The following TMEM150C variants were observed in gnomAD, a reference collection of about 807,000 sequenced individuals.
TMEM150C encodes transmembrane protein 150C, also known as tentonin 3.
Under a neutral mutation model 29.9 loss-of-function variants are expected in TMEM150C, and 10 were observed. That is an observed-to-expected ratio of 0.33 (90% CI 0.21 to 0.57). The LOEUF is 0.57. Ranked by LOEUF, TMEM150C falls within the 20% of genes least tolerant of loss-of-function variation. TMEM150C has a pLI of 0.88. For missense variants in TMEM150C, 251 were observed against 303.6 expected (o/e 0.83, Z 1.29); for synonymous variants, 101 against 112.5 (o/e 0.90, Z 0.64).
In TMEM150C at chr4:82,502,880, G is replaced by C; in HGVS notation, c.167+15C>G. 2 of 1,597,492 alleles carry C rather than the reference G, an allele frequency of 1.3e-6. No individual in the cohort carries two copies. The highest frequency in any genetic ancestry group is 1.1e-5 in the South Asian group (1 of 88,316). On this transcript the variant is annotated intron_variant, in intron 4 of 7. Coordinates refer to ENST00000449862, the MANE Select transcript of TMEM150C (RefSeq NM_001080506.3). ...TCCTACGGTCCCACAGGACAGAAGA[G>C]AATTGCTGGGTTACCTTATATATGG...
intron 1 of TMEM150C, among the ~76,000 whole-genome samples, chr4:82,533,998 G>C (rs1724930910): frequency 6.6e-6 from 1 of 152,104 alleles, no homozygotes; most frequent in South Asian, 2.1e-4. Flanking sequence ...TGAAATCTTG[G>C]TTTTGGTAAC....
At chr4:82,486,556 AG>A (rs1723168561) in intron 7 of TMEM150C, among the ~76,000 whole-genome samples, 1 of 152,022 alleles carries the variant, frequency 6.6e-6, no homozygotes, top group Non-Finnish European at 1.5e-5. Context: ...TGTATAGACC[AG>A]TTTCATTCCT....
intron 1 of TMEM150C, among the ~76,000 whole-genome samples, chr4:82,517,504 C>T (rs1490746119): frequency 1.3e-5 from 2 of 152,138 alleles, no homozygotes; most frequent in Admixed American, 1.3e-4. Context: ...CATTGAGGGC[C>T]CTGATAGAGC....
intron 6 of TMEM150C, among the ~76,000 whole-genome samples, chr4:82,492,209 A>G (rs779913592): frequency 6.6e-6 from 1 of 152,136 alleles, no homozygotes; most frequent in African/African-American, 2.4e-5. Context: ...ACTCACTGCA[A>G]CCTCAGACTC....
intron 1 of TMEM150C, among the ~76,000 whole-genome samples, chr4:82,514,816 C>A (rs1021356011): frequency 2.0e-5 from 3 of 152,090 alleles, no homozygotes; most frequent in African/African-American, 7.2e-5. Context: ...AAGACAGGAG[C>A]TATGCTGCAG....
chr4:82,546,701 G>A (rs1191483644), intron 1 of TMEM150C, among the ~76,000 whole-genome samples: 1 of 152,070 alleles, frequency 6.6e-6, no homozygotes, highest in Non-Finnish European at 1.5e-5. Flanking sequence ...GGTAGTGGGT[G>A]CCTGTAGTCC....
chr4:82,526,831 C>T (rs372779004), intron 1 of TMEM150C, among the ~76,000 whole-genome samples: 9 of 152,090 alleles, frequency 5.9e-5, no homozygotes, highest in African/African-American at 2.2e-4. Context: ...TCTATCCTAC[C>T]TCAGTAAAGA....
chr4:82,558,831 T>C (rs1725822763), intron 1 of TMEM150C, among the ~76,000 whole-genome samples: 1 of 152,216 alleles, frequency 6.6e-6, no homozygotes, highest in Non-Finnish European at 1.5e-5. Flanking sequence ...TAAGCCATCA[T>C]ATCCCCTGTG....
rs527773738 is a variant in TMEM150C, at chr4:82,504,806, G to A, written c.-10-139C>T. The A allele has an allele frequency of 1.6e-4, 92 of 572,458 alleles. 1 individual carries two copies. The highest frequency in any genetic ancestry group is 5.8e-4 in the South Asian group (32 of 55,306). 35.5% of individuals were successfully genotyped at this position (572,458 alleles called of 1,614,324 possible). A position where few individuals can be genotyped will look rare whatever the true frequency, so the allele number is the denominator to read the frequency against. Reference sequence around the variant, plus strand: ...AGCACTTTGGGAGGCCGAGGTGGGCGGATCACGAGGTCAGGAGATCGAGAC... The same window carrying A: ...AGCACTTTGGGAGGCCGAGGTGGGCAGATCACGAGGTCAGGAGATCGAGAC... On this transcript the variant is annotated intron_variant, in intron 1 of 7. Transcript: ENST00000449862.
At chr4:82,506,531 A>T (rs1190843632) in intron 1 of TMEM150C, among the ~76,000 whole-genome samples, 1 of 152,246 alleles carries the variant, frequency 6.6e-6, no homozygotes, top group Admixed American at 6.5e-5. Context: ...CCAACTCAAA[A>T]TTATGGACAC....
At chr4:82,519,584 G>A (rs1028200292) in intron 1 of TMEM150C, among the ~76,000 whole-genome samples, 1 of 151,882 alleles carries the variant, frequency 6.6e-6, no homozygotes, top group Non-Finnish European at 1.5e-5. Context: ...GTGTGACCAC[G>A]CCCAGCTAAT....
chr4:82,493,500 T>C (rs186458538), intron 6 of TMEM150C, among the ~76,000 whole-genome samples: 2 of 152,346 alleles, frequency 1.3e-5, no homozygotes, highest in Admixed American at 1.3e-4. Context: ...TCATTTCTCA[T>C]GTATTCTGTT....
chr4:82,483,653 A>G lies in TMEM150C; in HGVS notation c.*1858T>C, dbSNP rs1284248783. On this transcript the variant is annotated 3_prime_UTR_variant, in exon 8 of 8. Transcript: ENST00000449862. The stretch of plus-strand genomic sequence containing the variant: ...CTACTCTTAAATTATTAATAATTCT[A>G]TTCAACAGACATTTATTGAGCACCT... The G allele has an allele frequency of 6.6e-6, 1 of 152,194 alleles. No individual in the cohort carries two copies. Among genetic ancestry groups the G allele is most frequent in the Non-Finnish European group, 1.5e-5 (1 of 68,042 alleles). 9.4% of individuals were successfully genotyped at this position (152,194 alleles called of 1,614,324 possible). A position where few individuals can be genotyped will look rare whatever the true frequency, so the allele number is the denominator to read the frequency against.
intron 1 of TMEM150C, among the ~76,000 whole-genome samples, chr4:82,558,035 A>G (rs1333018473): frequency 2.6e-5 from 4 of 152,148 alleles, no homozygotes; most frequent in Non-Finnish European, 5.9e-5. Flanking sequence ...GTGGCCTCAC[A>G]AGTGGTTTTT....
At chr4:82,560,042 C>G (rs1317582839) in intron 1 of TMEM150C, among the ~76,000 whole-genome samples, 2 of 152,120 alleles carry the variant, frequency 1.3e-5, no homozygotes, top group African/African-American at 4.8e-5. Context: ...AGCCCAAAAA[C>G]CCCTGCAAGG....
upstream of TMEM150C, chr4:82,562,145 G>A: frequency 7.1e-6 from 9 of 1,267,978 alleles, no homozygotes; most frequent in Non-Finnish European, 8.2e-6. Flanking sequence ...CCACCCCCCC[G>A]GGGCCCCTAA....
At chr4:82,556,223 C>A (rs1240537921) in intron 1 of TMEM150C, among the ~76,000 whole-genome samples, 1 of 152,150 alleles carries the variant, frequency 6.6e-6, no homozygotes, top group Non-Finnish European at 1.5e-5. Context: ...AGTGATCCAC[C>A]CGCCTTGGCC....
At chr4:82,530,134 A>C (rs1432378597) in intron 1 of TMEM150C, among the ~76,000 whole-genome samples, 1 of 151,654 alleles carries the variant, frequency 6.6e-6, no homozygotes, top group Non-Finnish European at 1.5e-5. Flanking sequence ...AGATGGAGTC[A>C]GAGGGAGGGC....
chr4:82,509,137 T>A (rs10005401), intron 1 of TMEM150C, among the ~76,000 whole-genome samples: 25,042 of 152,234 alleles, frequency 0.16, 2,709 homozygotes, highest in East Asian at 0.37. Context: ...AAGTCTGAGT[T>A]ATCTTCACTT....
Sources: allele counts gnomAD v4.1 joint callset (sites outside exome capture counted in the v4.1 genomes callset), GRCh38; gene constraint gnomAD v4.1.1; transcripts MANE v1.5; gene names NCBI Gene and HGNC (gene_info 2026-07-23, HGNC 2026-07-21).